The following ADAMTSL1 variants were observed in gnomAD, a reference collection of about 807,000 sequenced individuals.
ADAMTSL1 encodes ADAMTS like 1.
A neutral mutation model predicts 201.8 loss-of-function variants in ADAMTSL1; 126 were observed. That is an observed-to-expected ratio of 0.62 (90% CI 0.54 to 0.72). The LOEUF (loss-of-function observed/expected upper bound fraction) is 0.72, where lower values mean the gene tolerates loss of function less well. Among genes scored for constraint, ADAMTSL1 ranks in the 30% least tolerant of loss-of-function variants. The pLI is 0.00. For synonymous variants in ADAMTSL1, 1,121 were observed against 903.4 expected, an observed-to-expected ratio of 1.24 and a Z score of -4.32; for missense variants, 2,679 against 2,277.8, an observed-to-expected ratio of 1.18 and a Z score of -3.59.
At chr9:18,091,992 C>T (rs1824042002) in intron 1 of ADAMTSL1, among the ~76,000 whole-genome samples, 7 of 152,050 alleles carry the variant, frequency 4.6e-5, no homozygotes, top group Admixed American at 4.6e-4. Flanking sequence ...TGGGAATGAT[C>T]TGTGTCAGTT....
chr9:18,006,199 T>C (rs1489969186), intron 1 of ADAMTSL1, among the ~76,000 whole-genome samples: 1 of 151,984 alleles, frequency 6.6e-6, no homozygotes, highest in Admixed American at 6.6e-5. Context: ...AGAGATGTGC[T>C]AGAGCAGTCC....
chr9:18,266,159 A>G (rs1243571341), intron 2 of ADAMTSL1, among the ~76,000 whole-genome samples: 3 of 152,244 alleles, frequency 2.0e-5, no homozygotes, highest in Admixed American at 2.0e-4. Context: ...TGCTGCTCCA[A>G]TTATACACTT....
At chr9:17,996,618 T>C (rs1214444708) in intron 1 of ADAMTSL1, among the ~76,000 whole-genome samples, 1 of 152,030 alleles carries the variant, frequency 6.6e-6, no homozygotes, top group Admixed American at 6.6e-5. Flanking sequence ...TTTCCCATAT[T>C]GAATCCCAAA....
intron 2 of ADAMTSL1, among the ~76,000 whole-genome samples, chr9:18,208,924 A>G (rs1460642299): frequency 6.6e-6 from 1 of 151,478 alleles, no homozygotes. Context: ...AATAGACATC[A>G]TTGAACCTTG....
intron 1 of ADAMTSL1, among the ~76,000 whole-genome samples, chr9:18,136,691 C>G (rs990185818): frequency 2.6e-5 from 4 of 151,834 alleles, no homozygotes; most frequent in Admixed American, 2.6e-4. Flanking sequence ...ACAGAAAAGG[C>G]TGTGAGATCA....
At chr9:18,707,641 G>C (rs953787491) in intron 14 of ADAMTSL1, among the ~76,000 whole-genome samples, 1 of 152,228 alleles carries the variant, frequency 6.6e-6, no homozygotes, top group South Asian at 2.1e-4. Flanking sequence ...CATACAGCTG[G>C]TGAGCGACAG....
chr9:18,727,199 C>T (rs975039510), intron 15 of ADAMTSL1, among the ~76,000 whole-genome samples: 1 of 152,188 alleles, frequency 6.6e-6, no homozygotes, highest in African/African-American at 2.4e-5. Flanking sequence ...TTTGATGGAG[C>T]TTTCAAAGCC....
intron 14 of ADAMTSL1, among the ~76,000 whole-genome samples, chr9:18,711,693 C>T (rs1401127529): frequency 2.6e-5 from 4 of 152,238 alleles, no homozygotes; most frequent in Non-Finnish European, 5.9e-5. Flanking sequence ...ATTGCCCAGG[C>T]TTGCTTAGGT....
At chr9:18,092,282 G>A (rs1191277208) in intron 1 of ADAMTSL1, among the ~76,000 whole-genome samples, 4 of 152,138 alleles carry the variant, frequency 2.6e-5, no homozygotes, top group Non-Finnish European at 2.9e-5. Context: ...AAGGCTGTGA[G>A]AGCACAGGAG....
chr9:18,844,289 C>G (rs1224630226), intron 23 of ADAMTSL1, among the ~76,000 whole-genome samples: 2 of 152,200 alleles, frequency 1.3e-5, no homozygotes. Flanking sequence ...TTGGAGTTTG[C>G]TAGAGGTCCA....
intron 7 of ADAMTSL1, among the ~76,000 whole-genome samples, chr9:18,649,230 C>G (rs1204396179): frequency 6.6e-6 from 1 of 152,212 alleles, no homozygotes; most frequent in Non-Finnish European, 1.5e-5. Flanking sequence ...CCTTGGCTTT[C>G]AGCTCCATCA....
chr9:18,113,488 G>T (rs538127371), intron 1 of ADAMTSL1, among the ~76,000 whole-genome samples: 2 of 152,094 alleles, frequency 1.3e-5, no homozygotes, highest in Non-Finnish European at 2.9e-5. Flanking sequence ...CCTGGCTTGG[G>T]CAACTGGGTG....
At chr9:18,082,070 T>A (rs1805210530) in intron 1 of ADAMTSL1, among the ~76,000 whole-genome samples, 1 of 152,236 alleles carries the variant, frequency 6.6e-6, no homozygotes, top group African/African-American at 2.4e-5. Flanking sequence ...GTGAAGTACT[T>A]TTTTAACACA....
intron 3 of ADAMTSL1, among the ~76,000 whole-genome samples, chr9:18,564,848 G>A (rs923106517): frequency 1.3e-5 from 2 of 152,068 alleles, no homozygotes; most frequent in African/African-American, 4.8e-5. Context: ...ATAATAAAAA[G>A]CCTCAAGGAA....
chr9:17,929,066 T>C (rs1826670946), intron 1 of ADAMTSL1, among the ~76,000 whole-genome samples: 3 of 152,164 alleles, frequency 2.0e-5, no homozygotes, highest in Admixed American at 2.0e-4. Flanking sequence ...CATGATCTAG[T>C]GGGTTAATGC....
chr9:18,250,392 G>A (rs1831416889), intron 2 of ADAMTSL1, among the ~76,000 whole-genome samples: 1 of 152,220 alleles, frequency 6.6e-6, no homozygotes, highest in South Asian at 2.1e-4. Context: ...ATCTGGAGGG[G>A]TACCAGTGAG....
chr9:18,499,742 A>T (rs1180324173), intron 1 of ADAMTSL1, among the ~76,000 whole-genome samples: 1 of 152,196 alleles, frequency 6.6e-6, no homozygotes, highest in East Asian at 1.9e-4. Flanking sequence ...TGTGAGTGCC[A>T]TTCTTTGCCT....
chr9:18,217,309 G>T (rs974629195), intron 2 of ADAMTSL1, among the ~76,000 whole-genome samples: 1 of 152,120 alleles, frequency 6.6e-6, no homozygotes, highest in Admixed American at 6.5e-5. Flanking sequence ...GCCCAGAGAG[G>T]TTCCATGATT....
chr9:18,565,832 T>C (rs1288783104), intron 3 of ADAMTSL1, among the ~76,000 whole-genome samples: 1 of 152,222 alleles, frequency 6.6e-6, no homozygotes, highest in Non-Finnish European at 1.5e-5. Context: ...AAATAAATGC[T>C]TTTGATGATA....
Sources: allele counts gnomAD v4.1 joint callset (sites outside exome capture counted in the v4.1 genomes callset), GRCh38; gene constraint gnomAD v4.1.1; transcripts MANE v1.5; gene names NCBI Gene and HGNC (gene_info 2026-07-23, HGNC 2026-07-21).